The following PCDH9 variants were observed in gnomAD, a reference collection of about 807,000 sequenced individuals.
PCDH9 encodes protocadherin-9.
PCDH9 carries 24 observed loss-of-function variants against 70.6 expected under a neutral mutation model. That is an observed-to-expected ratio of 0.34 (90% confidence interval 0.25 to 0.48). The LOEUF (loss-of-function observed/expected upper bound fraction) is 0.48, where lower values mean the gene tolerates loss of function less well. Ranked by LOEUF, PCDH9 falls within the 20% of genes least tolerant of loss-of-function variation. The probability of loss-of-function intolerance (pLI) is 0.99; values close to 1 mark genes in which losing one functional copy is unlikely to be tolerated. For synonymous variants in PCDH9, 562 were observed against 558.5 expected (o/e 1.01, Z -0.09); for missense variants, 1,281 against 1,503.6 (o/e 0.85, Z 2.45).
chr13:66,515,037 T>C (rs926388420), intron 4 of PCDH9, among the ~76,000 whole-genome samples: 3 of 152,096 alleles, frequency 2.0e-5, no homozygotes, highest in African/African-American at 7.2e-5. Context: ...ATTCTGCAAG[T>C]GCTGTGAGAG....
intron 4 of PCDH9, among the ~76,000 whole-genome samples, chr13:66,594,641 T>C (rs1036051110): frequency 6.6e-6 from 1 of 151,578 alleles, no homozygotes; most frequent in Non-Finnish European, 1.5e-5. Context: ...GCATCAGCTA[T>C]TTTTCCTAAT....
Position 67,180,981 on chromosome 13 carries a change from TA to T in PCDH9, c.3036+44423del, listed in dbSNP as rs568443802. On this transcript the variant is annotated intron_variant, in intron 2 of 4. Transcript: ENST00000377865. Reference sequence around the variant, plus strand: ...TTTATAAAGTTAAAGCTCTTCATTTTAAATCTGTGTCAAGAGGCTAATATAA... The same window carrying T: ...TTTATAAAGTTAAAGCTCTTCATTTTAATCTGTGTCAAGAGGCTAATATAA... Among the ~76,000 whole-genome samples the T allele has an allele frequency of 1.6e-4, 24 of 152,344 alleles. No homozygotes were observed. The South Asian group carries it at 4.8e-3, about 30-fold the overall frequency.
intron 4 of PCDH9, among the ~76,000 whole-genome samples, chr13:66,523,044 C>A (rs1960068580): frequency 1.3e-5 from 2 of 151,966 alleles, no homozygotes; most frequent in African/African-American, 2.4e-5. Context: ...CTTTTACTTG[C>A]AGGGTGTTGC....
At chr13:67,115,577 G>A (rs2138283755) in intron 2 of PCDH9, among the ~76,000 whole-genome samples, 1 of 152,264 alleles carries the variant, frequency 6.6e-6, no homozygotes, top group Admixed American at 6.5e-5. Flanking sequence ...GAACACTAAT[G>A]GTGATTAATA....
At chr13:67,188,447 T>A (rs1358208504) in intron 2 of PCDH9, among the ~76,000 whole-genome samples, 1 of 152,082 alleles carries the variant, frequency 6.6e-6, no homozygotes, top group Non-Finnish European at 1.5e-5. Context: ...TTAAAGGTAT[T>A]TTTAATTGGC....
intron 4 of PCDH9, among the ~76,000 whole-genome samples, chr13:66,410,507 G>A: frequency 6.6e-6 from 1 of 152,068 alleles, no homozygotes. Flanking sequence ...ACATTTTTAG[G>A]GCCAGATGTT....
chr13:66,705,770 C>A (rs2078703418), intron 3 of PCDH9, among the ~76,000 whole-genome samples: 1 of 152,068 alleles, frequency 6.6e-6, no homozygotes, highest in African/African-American at 2.4e-5. Flanking sequence ...AACTGAATGA[C>A]AAGTTAAAAC....
At chr13:66,605,420 C>T (rs2077211316) in intron 4 of PCDH9, among the ~76,000 whole-genome samples, 1 of 151,896 alleles carries the variant, frequency 6.6e-6, no homozygotes. Context: ...CCAAGGTTAA[C>T]CATAAAAGTT....
chr13:66,634,098 A>G (rs1027898867), intron 3 of PCDH9, among the ~76,000 whole-genome samples: 1 of 152,220 alleles, frequency 6.6e-6, no homozygotes. Flanking sequence ...TAAATTTACT[A>G]TAAATTATTT....
chr13:66,963,100 A>G (rs1431035291), intron 2 of PCDH9, among the ~76,000 whole-genome samples: 1 of 152,122 alleles, frequency 6.6e-6, no homozygotes, highest in Non-Finnish European at 1.5e-5. Context: ...TGCTCCTATG[A>G]GAATCTAATG....
At chr13:66,822,605 C>T (rs914787408) in intron 3 of PCDH9, among the ~76,000 whole-genome samples, 2 of 150,024 alleles carry the variant, frequency 1.3e-5, no homozygotes, top group African/African-American at 2.5e-5. Context: ...TGGCTTACTG[C>T]AGCCTCTCCT....
At chr13:66,576,482 C>T (rs1264125102) in intron 4 of PCDH9, among the ~76,000 whole-genome samples, 1 of 151,992 alleles carries the variant, frequency 6.6e-6, no homozygotes, top group Non-Finnish European at 1.5e-5. Context: ...AGAGTCCTAA[C>T]CTTGGTAGAT....
intron 3 of PCDH9, among the ~76,000 whole-genome samples, chr13:66,693,498 T>C (rs1403488243): frequency 1.3e-5 from 2 of 152,164 alleles, no homozygotes; most frequent in Non-Finnish European, 2.9e-5. Context: ...TAGTAAATGA[T>C]CATAATTCAT....
intron 2 of PCDH9, among the ~76,000 whole-genome samples, chr13:67,157,074 G>C (rs973129513): frequency 6.6e-6 from 1 of 152,012 alleles, no homozygotes; most frequent in East Asian, 1.9e-4. Flanking sequence ...AAAATAAATT[G>C]CTTATCTTTT....
chr13:67,158,123 T>G (rs1323744004), intron 2 of PCDH9, among the ~76,000 whole-genome samples: 1 of 152,174 alleles, frequency 6.6e-6, no homozygotes, highest in Non-Finnish European at 1.5e-5. Flanking sequence ...TCGTGATACA[T>G]AATTAGTATC....
At chr13:66,719,923 T>C (rs1012590016) in intron 3 of PCDH9, among the ~76,000 whole-genome samples, 1 of 152,156 alleles carries the variant, frequency 6.6e-6, no homozygotes, top group African/African-American at 2.4e-5. Flanking sequence ...ATACCAGTGG[T>C]TTAAGTAAAA....
At chr13:66,840,629 G>C (rs1384550267) in intron 3 of PCDH9, among the ~76,000 whole-genome samples, 1 of 152,114 alleles carries the variant, frequency 6.6e-6, no homozygotes, top group African/African-American at 2.4e-5. Flanking sequence ...CTTGCAAGGA[G>C]GCAAAAACCT....
intron 2 of PCDH9, among the ~76,000 whole-genome samples, chr13:67,021,357 G>C (rs148420476): frequency 6.6e-6 from 1 of 152,020 alleles, no homozygotes; most frequent in African/African-American, 2.4e-5. Flanking sequence ...ATAAATGAAC[G>C]TCACAGGGAA....
At chr13:66,664,817 C>T (rs2078070238) in intron 3 of PCDH9, among the ~76,000 whole-genome samples, 1 of 152,032 alleles carries the variant, frequency 6.6e-6, no homozygotes, top group Non-Finnish European at 1.5e-5. Context: ...GGCACTTACA[C>T]CCTCTTACCT....
Sources: allele counts gnomAD v4.1 joint callset (sites outside exome capture counted in the v4.1 genomes callset), GRCh38; gene constraint gnomAD v4.1.1; transcripts MANE v1.5; gene names NCBI Gene and HGNC (gene_info 2026-07-23, HGNC 2026-07-21).